Variants in TRARG1 observed in about 807,000 individuals in gnomAD.
TRARG1 encodes trafficking regulator of GLUT4 (SLC2A4) 1 (gene/pseudogene), also known as trafficking regulator of GLUT4 1.
Under a neutral mutation model 13.3 loss-of-function variants are expected in TRARG1, and 16 were observed. That is an observed-to-expected ratio of 1.20 (90% CI 0.81 to 1.83). The LOEUF (loss-of-function observed/expected upper bound fraction) is 1.83. TRARG1 is among the 40% of genes most tolerant of loss of function. TRARG1 has a pLI of 0.00. For missense variants in TRARG1, 250 were observed against 237.4 expected (o/e 1.05, Z -0.35); for synonymous variants, 113 against 106.2 (o/e 1.06, Z -0.39).
At chr17:1,280,740 C>A (rs547526439) in intron 1 of TRARG1, among the ~76,000 whole-genome samples, 3 of 152,284 alleles carry the variant, frequency 2.0e-5, no homozygotes, top group Admixed American at 1.3e-4. Context: ...CGGGCGGTCC[C>A]AAAGGGTCAT....
At position 1,280,202 on chromosome 17, in the gene TRARG1, G is replaced by C. The variant is rs754563276; in HGVS notation, c.201G>C (p.Glu67Asp). Reference sequence around the variant, plus strand: ...GCCTACCCTTCAAGGCCATCTCCGAGGGGCACCTGGAGGCCCCACTGCCTC... The same window carrying C: ...GCCTACCCTTCAAGGCCATCTCCGACGGGCACCTGGAGGCCCCACTGCCTC... ...SQGLPFKAISEGHLEAPLPRS... is the reference protein window; with the variant it reads ...SQGLPFKAISDGHLEAPLPRS... The change falls in exon 1 of 3, where the codon GAG becomes GAC. Residue 67 changes from glutamate (E) to aspartate (D), a missense_variant. Glu to Asp is a conservative substitution (Grantham distance 45). Transcript: ENST00000333813. The C allele has an allele frequency of 5.6e-6, 9 of 1,613,988 alleles. No homozygotes were observed. The Admixed American group carries it at 1.5e-4, about 27-fold the overall frequency.
At chr17:1,294,468 CTTTT>C (rs542504095) in intron 1 of TRARG1, among the ~76,000 whole-genome samples, 10 of 113,440 alleles carry the variant, frequency 8.8e-5, no homozygotes, top group East Asian at 2.7e-4. Flanking sequence ...AAGACAGTGT[CTTTT>C]TTTTTTTTTT....
rs749366423 is a variant in TRARG1 at position 1,295,523 on chromosome 17, C to T, written c.420C>T (p.Asp140=). 4.8e-5 allele frequency: 77 copies of T among 1,611,188 alleles called. No individual in the cohort carries two copies. Among genetic ancestry groups the T allele is most frequent in the Admixed American group, 2.2e-4 (13 of 59,620 alleles). The change falls in exon 2 of 3, where the codon GAC becomes GAT. Residue 140 remains aspartate, a synonymous_variant. Coordinates refer to ENST00000333813, the MANE Select transcript of TRARG1 (RefSeq NM_172367.3). ...SRSSMQQGNV[D]GARRLGRLAR... is the part of the protein sequence containing the mutation. ...GCAGCATGCAACAGGGCAACGTGGA[C>T]GGCGCCCGGAGGCTGGGCCGCCTGG...
At chr17:1,296,804 C>G (rs1187613177) in intron 2 of TRARG1, among the ~76,000 whole-genome samples, 1 of 151,978 alleles carries the variant, frequency 6.6e-6, no homozygotes, top group Non-Finnish European at 1.5e-5. Context: ...TGCCACCACG[C>G]CCGGCTAAGT....
chr17:1,298,533 C>A lies in TRARG1; in HGVS notation c.*269C>A. On this transcript the variant is annotated 3_prime_UTR_variant, in exon 3 of 3. Coordinates refer to ENST00000333813, the MANE Select transcript of TRARG1 (RefSeq NM_172367.3). ...GTCCTGGGATCTCAACCCCAGCAGT[C>A]TGGCTTGTTTCTCATTCCCACAATT... 2.4e-6 allele frequency: 1 copy of A among 420,380 alleles called. No homozygotes were observed. The highest frequency in any genetic ancestry group is 7.3e-5 in the South Asian group (1 of 13,624). 26.0% of individuals were successfully genotyped at this position (420,380 alleles called of 1,614,324 possible).
intron 2 of TRARG1, among the ~76,000 whole-genome samples, chr17:1,297,356 C>T (rs2072119324): frequency 6.6e-6 from 1 of 152,098 alleles, no homozygotes; most frequent in Admixed American, 6.6e-5. Flanking sequence ...CAACCTTGGC[C>T]ACTTAGGAGA....
At position 1,300,921 on chromosome 17, in the gene TRARG1, A is replaced by T. The variant is rs1258380101; in HGVS notation, c.*2657A>T. The T allele has an allele frequency of 6.6e-6, 1 of 152,284 alleles. No homozygotes were observed. Among genetic ancestry groups the T allele is most frequent in the Non-Finnish European group, 1.5e-5 (1 of 68,124 alleles). 9.4% of individuals were successfully genotyped at this position (152,284 alleles called of 1,614,324 possible). On this transcript the variant is annotated 3_prime_UTR_variant, in exon 3 of 3. Coordinates refer to ENST00000333813, the MANE Select transcript of TRARG1 (RefSeq NM_172367.3). Reference sequence around the variant, plus strand: ...AGACCCACCCCACACTGCCTTCACCATCTACACCAGTGACGCCGCTGTGTG... The same window carrying T: ...AGACCCACCCCACACTGCCTTCACCTTCTACACCAGTGACGCCGCTGTGTG...
intron 1 of TRARG1, among the ~76,000 whole-genome samples, chr17:1,294,970 C>T (rs559015041): frequency 2.0e-5 from 3 of 152,168 alleles, no homozygotes; most frequent in Non-Finnish European, 4.4e-5. Flanking sequence ...AGGCATGAGC[C>T]GCTGCGCCCG....
chr17:1,292,574 G>A (rs966953808), intron 1 of TRARG1, among the ~76,000 whole-genome samples: 3 of 152,004 alleles, frequency 2.0e-5, no homozygotes, highest in African/African-American at 4.8e-5. Flanking sequence ...CTCAGTCAGC[G>A]ACTGTTTTTT....
At chr17:1,295,748 C>T (rs757260196) in intron 2 of TRARG1, 125 bp downstream of exon 2, 37 of 1,137,162 alleles carry the variant, frequency 3.3e-5, no homozygotes, top group African/African-American at 7.9e-5. Context: ...GTGGGGGCCC[C>T]GGCCTTATCC....
At chr17:1,282,253 T>TACGTATATACATATATGC (rs2071985475) in intron 1 of TRARG1, among the ~76,000 whole-genome samples, 56 of 105,430 alleles carry the variant, frequency 5.3e-4, no homozygotes, top group African/African-American at 1.6e-3. Context: ...CACGTATATG[T>TACGTATATACATATATGC]ACGTATATGT....
chr17:1,295,666 G>A (rs1484850149), intron 2 of TRARG1, 43 bp downstream of exon 2: 1 of 1,585,696 alleles, frequency 6.3e-7, no homozygotes, highest in South Asian at 1.2e-5. Flanking sequence ...AGCTTGCCTG[G>A]TGTGAGGACT....
intron 1 of TRARG1, among the ~76,000 whole-genome samples, chr17:1,281,226 G>T (rs1015005496): frequency 1.3e-5 from 2 of 152,226 alleles, no homozygotes; most frequent in Admixed American, 6.5e-5. Flanking sequence ...ATATTGGCAA[G>T]TGACTTTTGA....
intron 1 of TRARG1, among the ~76,000 whole-genome samples, chr17:1,291,861 A>G (rs2072071841): frequency 6.6e-6 from 1 of 152,200 alleles, no homozygotes; most frequent in Non-Finnish European, 1.5e-5. Context: ...CTCGAACCTC[A>G]AGCAACTCAG....
At chr17:1,291,445 T>C (rs1391598446) in intron 1 of TRARG1, among the ~76,000 whole-genome samples, 3 of 152,222 alleles carry the variant, frequency 2.0e-5, no homozygotes, top group Non-Finnish European at 4.4e-5. Flanking sequence ...CCCCGTTTTG[T>C]TCGGCACTTT....
At position 1,298,266 on chromosome 17, in the gene TRARG1, C is replaced by G; in HGVS notation, c.*2C>G. On this transcript the variant is annotated 3_prime_UTR_variant, in exon 3 of 3. Transcript: ENST00000333813. ...TTCTTTACAGTTCAGAAGAAATAAA[C>G]TTAAGCAGGGAGCTGGGCTAGCAGA... The G allele has an allele frequency of 1.2e-6, 2 of 1,613,538 alleles. No individual in the cohort carries two copies. The highest frequency in any genetic ancestry group is 1.7e-6 in the Non-Finnish European group (2 of 1,179,776).
intron 2 of TRARG1, among the ~76,000 whole-genome samples, chr17:1,297,593 T>G (rs1357856999): frequency 1.8e-5 from 1 of 55,192 alleles, no homozygotes; most frequent in East Asian, 5.6e-4. Flanking sequence ...TAGCCAGGAC[T>G]TTTTTTTTTT....
chr17:1,285,870 G>A (rs2072016117), intron 1 of TRARG1, among the ~76,000 whole-genome samples: 1 of 152,146 alleles, frequency 6.6e-6, no homozygotes, highest in South Asian at 2.1e-4. Context: ...TCCAGGAGGT[G>A]GAAGGAAATC....
At chr17:1,286,672 G>C (rs2072027173) in intron 1 of TRARG1, among the ~76,000 whole-genome samples, 1 of 143,162 alleles carries the variant, frequency 7.0e-6, no homozygotes. Context: ...TTATTGGCCT[G>C]AGGGGTGTTA....
Sources: allele counts gnomAD v4.1 joint callset (sites outside exome capture counted in the v4.1 genomes callset), GRCh38; gene constraint gnomAD v4.1.1; transcripts MANE v1.5; gene names NCBI Gene and HGNC (gene_info 2026-07-23, HGNC 2026-07-21).